Variants in MAGI1 observed in about 807,000 individuals in gnomAD.
The protein encoded by MAGI1 is membrane-associated guanylate kinase, WW and PDZ domain-containing protein 1.
In MAGI1, 58 loss-of-function variants were observed where a neutral mutation model predicts 139.9. The observed-to-expected ratio is 0.41, with a 90% CI of 0.34 to 0.52. MAGI1 has a LOEUF of 0.52. MAGI1 is among the 20% of genes least tolerant of loss of function. The pLI is 0.12. For missense variants in MAGI1, 1,874 were observed against 1,901.6 expected (o/e 0.99, Z 0.27); for synonymous variants, 812 against 737.9 (o/e 1.10, Z -1.63).
At chr3:65,560,153 T>A (rs1292089277) in intron 2 of MAGI1, among the ~76,000 whole-genome samples, 1 of 152,262 alleles carries the variant, frequency 6.6e-6, no homozygotes, top group Non-Finnish European at 1.5e-5. Flanking sequence ...AAATTAATAA[T>A]ACTATTTTAA....
chr3:65,431,612 C>A (rs896669265), intron 10 of MAGI1, among the ~76,000 whole-genome samples: 7 of 151,832 alleles, frequency 4.6e-5, no homozygotes, highest in African/African-American at 7.2e-5. Context: ...AAACCCCCCC[C>A]ACAACACACA....
chr3:65,471,747 T>C (rs1270665064), intron 4 of MAGI1, among the ~76,000 whole-genome samples: 1 of 151,744 alleles, frequency 6.6e-6, no homozygotes, highest in African/African-American at 2.4e-5. Flanking sequence ...TCTTTGTTAT[T>C]AGGTCAGGAA....
chr3:65,649,105 G>T (rs1261412431), intron 1 of MAGI1, among the ~76,000 whole-genome samples: 1 of 152,120 alleles, frequency 6.6e-6, no homozygotes, highest in Non-Finnish European at 1.5e-5. Flanking sequence ...TGTGAAAAAT[G>T]AAGTACACCT....
intron 7 of MAGI1, among the ~76,000 whole-genome samples, chr3:65,447,481 T>A (rs1296728575): frequency 1.3e-5 from 2 of 152,202 alleles, no homozygotes; most frequent in Non-Finnish European, 2.9e-5. Flanking sequence ...AATGGCAAGG[T>A]CAACAACACG....
chr3:65,484,657 C>G (rs1951512735), intron 3 of MAGI1, among the ~76,000 whole-genome samples: 1 of 152,094 alleles, frequency 6.6e-6, no homozygotes, highest in South Asian at 2.1e-4. Flanking sequence ...TCTTTTCACT[C>G]TGACCTCACT....
chr3:65,480,585 CTTT>C (rs71102864), intron 3 of MAGI1, among the ~76,000 whole-genome samples: 24 of 99,054 alleles, frequency 2.4e-4, no homozygotes, highest in Non-Finnish European at 2.8e-4. Context: ...AATAAGGTTT[CTTT>C]TTTTTTTTTT....
chr3:65,722,499 G>A (rs982024121), intron 1 of MAGI1, among the ~76,000 whole-genome samples: 13 of 152,112 alleles, frequency 8.5e-5, no homozygotes, highest in Middle Eastern at 3.4e-3. Context: ...TAGACACAGT[G>A]GCATGTACCT....
At chr3:65,592,038 A>T (rs997861734) in intron 2 of MAGI1, among the ~76,000 whole-genome samples, 6 of 152,166 alleles carry the variant, frequency 3.9e-5, no homozygotes, top group African/African-American at 1.2e-4. Context: ...TACTGTTTTG[A>T]TTTCACCTGA....
At chr3:65,830,728 G>A (rs1253210481) in intron 1 of MAGI1, among the ~76,000 whole-genome samples, 3 of 152,244 alleles carry the variant, frequency 2.0e-5, no homozygotes, top group African/African-American at 7.2e-5. Context: ...TGAAACATGG[G>A]ACTGCTTGCC....
chr3:65,595,017 C>T (rs1307458208), intron 2 of MAGI1, among the ~76,000 whole-genome samples: 1 of 152,182 alleles, frequency 6.6e-6, no homozygotes, highest in Non-Finnish European at 1.5e-5. Context: ...TATTACGCAG[C>T]ACAGGGTCAA....
At chr3:65,438,168 T>C (rs1049484128) in intron 9 of MAGI1, among the ~76,000 whole-genome samples, 2 of 152,182 alleles carry the variant, frequency 1.3e-5, no homozygotes, top group Non-Finnish European at 2.9e-5. Flanking sequence ...AAATGTGGTA[T>C]GTATGCCATG....
At chr3:65,414,143 C>A (rs1406211346) in intron 12 of MAGI1, among the ~76,000 whole-genome samples, 1 of 152,170 alleles carries the variant, frequency 6.6e-6, no homozygotes, top group Non-Finnish European at 1.5e-5. Context: ...GATCTTAATG[C>A]AAGCAAACAC....
chr3:65,706,053 C>T (rs2030216111), intron 1 of MAGI1, among the ~76,000 whole-genome samples: 1 of 152,176 alleles, frequency 6.6e-6, no homozygotes, highest in East Asian at 1.9e-4. Flanking sequence ...TCAGCATTTT[C>T]TATTCAACAG....
intron 12 of MAGI1, among the ~76,000 whole-genome samples, chr3:65,406,153 C>T (rs1945323800): frequency 6.6e-6 from 1 of 151,988 alleles, no homozygotes; most frequent in African/African-American, 2.4e-5. Context: ...TGAATGCATA[C>T]ATATAGTTTT....
intron 1 of MAGI1, among the ~76,000 whole-genome samples, chr3:65,657,039 A>T (rs1009657530): frequency 6.6e-6 from 1 of 151,686 alleles, no homozygotes; most frequent in Admixed American, 6.6e-5. Flanking sequence ...GAAGATAAGG[A>T]TAACAATATC....
intron 1 of MAGI1, among the ~76,000 whole-genome samples, chr3:65,959,607 A>T (rs924584053): frequency 0.01 from 1,231 of 121,326 alleles, 7 homozygotes; most frequent in Non-Finnish European, 0.016. Context: ...CATTTTTATT[A>T]TTATTATTAT....
intron 1 of MAGI1, among the ~76,000 whole-genome samples, chr3:65,882,820 A>C (rs2060384829): frequency 6.6e-6 from 1 of 151,788 alleles, no homozygotes; most frequent in Non-Finnish European, 1.5e-5. Flanking sequence ...CTGTAGTCTC[A>C]GCTACTTGGG....
intron 12 of MAGI1, among the ~76,000 whole-genome samples, chr3:65,418,266 G>T (rs1376417582): frequency 7.9e-5 from 12 of 152,108 alleles, no homozygotes; most frequent in African/African-American, 2.9e-4. Flanking sequence ...TCACTTGTTA[G>T]TCTTGCCTCC....
intron 18 of MAGI1, among the ~76,000 whole-genome samples, chr3:65,372,621 AC>A (rs144382519): frequency 0.078 from 11,856 of 152,202 alleles, 1,016 homozygotes; most frequent in African/African-American, 0.21. Flanking sequence ...GTCTTAAATG[AC>A]CATCTTCTTT....
Sources: gnomAD v4.1 joint callset for allele counts (sites outside exome capture counted in the v4.1 genomes callset) on GRCh38, gnomAD v4.1.1 for gene constraint, MANE v1.5 for transcripts, NCBI Gene and HGNC (gene_info 2026-07-23, HGNC 2026-07-21) for gene names.